Variants in CSNK2A2IP observed in about 807,000 individuals in gnomAD.
CSNK2A2IP encodes the protein casein kinase II subunit alpha'-interacting protein.
the CSNK2A2IP span, among the ~76,000 whole-genome samples, chr3:88,446,843 A>G: frequency 6.6e-6 from 1 of 152,220 alleles, no homozygotes. Flanking sequence ...TATGTTGGAA[A>G]GTTGATGGTC....
At chr3:88,464,762 T>A in the CSNK2A2IP span, among the ~76,000 whole-genome samples, 3 of 152,210 alleles carry the variant, frequency 2.0e-5, no homozygotes, top group Non-Finnish European at 2.9e-5. Flanking sequence ...GTTTTACAAA[T>A]GCAATAATTA....
the CSNK2A2IP span, among the ~76,000 whole-genome samples, chr3:88,453,414 T>C: frequency 7.9e-5 from 12 of 152,074 alleles, no homozygotes; most frequent in African/African-American, 2.7e-4. Flanking sequence ...ATTCTGAGTA[T>C]TAAGTTAAGT....
At chr3:88,346,150 G>C in the CSNK2A2IP span, among the ~76,000 whole-genome samples, 1 of 151,950 alleles carries the variant, frequency 6.6e-6, no homozygotes, top group Non-Finnish European at 1.5e-5. Context: ...TTCTACGAAG[G>C]CTGGAAGAGG....
chr3:88,426,326 T>C, the CSNK2A2IP span, among the ~76,000 whole-genome samples: 4 of 152,212 alleles, frequency 2.6e-5, no homozygotes, highest in Admixed American at 1.3e-4. Context: ...TAAGGAAGAA[T>C]GAATACTCCA....
the CSNK2A2IP span, among the ~76,000 whole-genome samples, chr3:88,402,588 A>C: frequency 1.3e-5 from 2 of 152,110 alleles, no homozygotes; most frequent in Admixed American, 6.6e-5. Context: ...AAAAATGTTG[A>C]GAGAAAAAGG....
chr3:88,393,837 AG>A, the CSNK2A2IP span, among the ~76,000 whole-genome samples: 2 of 152,212 alleles, frequency 1.3e-5, no homozygotes, highest in Non-Finnish European at 2.9e-5. Flanking sequence ...CTGGGTGCCA[AG>A]GTTATTAGTG....
chr3:88,363,506 G>T, the CSNK2A2IP span, among the ~76,000 whole-genome samples: 1 of 152,038 alleles, frequency 6.6e-6, no homozygotes, highest in Non-Finnish European at 1.5e-5. Context: ...TTATTTTGGG[G>T]ATCAGTTTCA....
chr3:88,346,585 T>G, the CSNK2A2IP span, among the ~76,000 whole-genome samples: 1 of 152,014 alleles, frequency 6.6e-6, no homozygotes, highest in Admixed American at 6.6e-5. Flanking sequence ...AACAAAGAAC[T>G]GGATGACAGC....
the CSNK2A2IP span, among the ~76,000 whole-genome samples, chr3:88,342,785 A>G: frequency 3.3e-5 from 5 of 151,766 alleles, no homozygotes; most frequent in Non-Finnish European, 7.4e-5. Flanking sequence ...AAACAAATTA[A>G]TACTTTTGTA....
the CSNK2A2IP span, among the ~76,000 whole-genome samples, chr3:88,445,589 C>G: frequency 6.6e-6 from 1 of 152,096 alleles, no homozygotes; most frequent in African/African-American, 2.4e-5. Context: ...GACAGAGTCT[C>G]ACTCTGTCAT....
At chr3:88,404,565 TCA>T in the CSNK2A2IP span, among the ~76,000 whole-genome samples, 3 of 152,130 alleles carry the variant, frequency 2.0e-5, no homozygotes, top group Non-Finnish European at 2.9e-5. Flanking sequence ...TCTTTAAGCC[TCA>T]GTCTTTCCTT....
the CSNK2A2IP span, among the ~76,000 whole-genome samples, chr3:88,385,150 C>G: frequency 6.6e-5 from 10 of 152,124 alleles, no homozygotes; most frequent in East Asian, 3.9e-4. Context: ...AAAAGTGACT[C>G]AAGGTAGAAT....
the CSNK2A2IP span, among the ~76,000 whole-genome samples, chr3:88,421,392 G>C: frequency 2.0e-5 from 3 of 152,012 alleles, no homozygotes; most frequent in Non-Finnish European, 4.4e-5. Flanking sequence ...TTCCCTATTA[G>C]TTTGTATGAT....
chr3:88,355,162 G>A, the CSNK2A2IP span, among the ~76,000 whole-genome samples: 1 of 152,122 alleles, frequency 6.6e-6, no homozygotes, highest in African/African-American at 2.4e-5. Flanking sequence ...ACTTAAGACT[G>A]GTGGAAGTTA....
the CSNK2A2IP span, among the ~76,000 whole-genome samples, chr3:88,407,671 G>A: frequency 1.3e-5 from 2 of 152,002 alleles, no homozygotes; most frequent in Admixed American, 6.6e-5. Context: ...TACTGTAAAG[G>A]TGACATTCTT....
chr3:88,363,162 G>A, the CSNK2A2IP span, among the ~76,000 whole-genome samples: 2 of 152,074 alleles, frequency 1.3e-5, no homozygotes, highest in Non-Finnish European at 2.9e-5. Context: ...AGCAATACAA[G>A]ACTTTCCTCC....
the CSNK2A2IP span, among the ~76,000 whole-genome samples, chr3:88,412,302 C>G: frequency 1.3e-5 from 2 of 151,974 alleles, no homozygotes; most frequent in Non-Finnish European, 2.9e-5. Flanking sequence ...TCCACAGCAG[C>G]TCCTCTTGCC....
the CSNK2A2IP span, among the ~76,000 whole-genome samples, chr3:88,429,768 T>G: frequency 1.3e-5 from 2 of 152,148 alleles, no homozygotes; most frequent in Non-Finnish European, 2.9e-5. Context: ...TGTTTTGTTT[T>G]TTGAGACGGA....
chr3:88,461,841 C>G, the CSNK2A2IP span, among the ~76,000 whole-genome samples: 1 of 152,180 alleles, frequency 6.6e-6, no homozygotes, highest in East Asian at 1.9e-4. Flanking sequence ...TCATGGCTCA[C>G]TGCAGCCTCC....
Sources: gnomAD v4.1 joint callset for allele counts (sites outside exome capture counted in the v4.1 genomes callset) on GRCh38, gnomAD v4.1.1 for gene constraint, MANE v1.5 for transcripts, NCBI Gene and HGNC (gene_info 2026-07-23, HGNC 2026-07-21) for gene names.